The following SUDS3 variants were observed in gnomAD, a reference collection of about 807,000 sequenced individuals.
SUDS3 encodes sin3 histone deacetylase corepressor complex component SDS3.
A neutral mutation model predicts 53.5 loss-of-function variants in SUDS3; 23 were observed. That is an observed-to-expected ratio of 0.43 (90% CI 0.31 to 0.61). The LOEUF is 0.61. SUDS3 is among the 20% of genes least tolerant of loss of function. The pLI is 0.10. For missense variants in SUDS3, 291 were observed against 405.9 expected, an observed-to-expected ratio of 0.72 and a Z score of 2.43; for synonymous variants, 150 against 148.5, an observed-to-expected ratio of 1.01 and a Z score of -0.08.
At chr12:118,400,479 C>G (rs1056864992) in intron 6 of SUDS3, among the ~76,000 whole-genome samples, 180 bp from the exon 7 acceptor site, 1 of 152,136 alleles carries the variant, frequency 6.6e-6, no homozygotes, top group South Asian at 2.1e-4. Flanking sequence ...CTGAATCTTA[C>G]AAGTATAAAC....
intron 6 of SUDS3, among the ~76,000 whole-genome samples, chr12:118,395,816 C>T (rs187510318): frequency 1.3e-5 from 2 of 151,960 alleles, no homozygotes; most frequent in Admixed American, 6.5e-5. Context: ...CTCAGCCTCC[C>T]GAGTAGCTGG....
At chr12:118,389,641 G>A (rs535475859) in intron 4 of SUDS3, among the ~76,000 whole-genome samples, 1 of 151,984 alleles carries the variant, frequency 6.6e-6, no homozygotes, top group East Asian at 1.9e-4. Context: ...TCAGCCTCTC[G>A]AGTAGTTGGG....
chr12:118,402,895 G>A (rs756223749), intron 9 of SUDS3, among the ~76,000 whole-genome samples: 6 of 152,118 alleles, frequency 3.9e-5, no homozygotes, highest in South Asian at 2.1e-4. Context: ...CAAGTAGCTA[G>A]GACAACAGGC....
intron 5 of SUDS3, among the ~76,000 whole-genome samples, chr12:118,390,193 C>T (rs966216643): frequency 6.6e-6 from 1 of 152,152 alleles, no homozygotes; most frequent in African/African-American, 2.4e-5. Context: ...ACTTCTATCC[C>T]GTGTTAGAGC....
chr12:118,383,168 C>T (rs1372206070), intron 2 of SUDS3, among the ~76,000 whole-genome samples: 2 of 152,280 alleles, frequency 1.3e-5, no homozygotes, highest in Middle Eastern at 3.4e-3. Context: ...AAGGTTATCA[C>T]GCCCATGTGC....
chr12:118,385,457 C>T lies in SUDS3; in HGVS notation c.269-657C>T, dbSNP rs185249840. Among the ~76,000 whole-genome samples the T allele has an allele frequency of 5.3e-5, 8 of 152,242 alleles. No homozygotes were observed. The South Asian group carries it at 6.2e-4, about 12-fold the overall frequency. ...GCTTTTATTGCTGGTGAGTGATCCA[C>T]GCCCTTGGACTAGCCCATGGTCAGG... On this transcript the variant is annotated intron_variant, in intron 3 of 11. Coordinates refer to ENST00000543473, the MANE Select transcript of SUDS3 (RefSeq NM_022491.3).
chr12:118,400,798 CTG>C, intron 7 of SUDS3, 44 bp downstream of exon 7: 2 of 1,558,092 alleles, frequency 1.3e-6, no homozygotes, highest in Non-Finnish European at 1.8e-6. Context: ...TTTTTTAAGA[CTG>C]TGGAATCCTA....
intron 4 of SUDS3, 88 bp from the exon 5 acceptor site, chr12:118,389,839 A>C: frequency 6.6e-7 from 1 of 1,508,714 alleles, no homozygotes; most frequent in Non-Finnish European, 9.2e-7. Flanking sequence ...TTCAGAAAGC[A>C]ATTACTGCTT....
intron 4 of SUDS3, among the ~76,000 whole-genome samples, chr12:118,386,965 T>C (rs1386945705): frequency 6.6e-6 from 1 of 152,204 alleles, no homozygotes; most frequent in East Asian, 1.9e-4. Context: ...GCAGAGTCCT[T>C]GTTCCTGCGA....
At chr12:118,399,259 T>A (rs781051220) in intron 6 of SUDS3, among the ~76,000 whole-genome samples, 9 of 152,094 alleles carry the variant, frequency 5.9e-5, no homozygotes. Context: ...CCCAGCACTT[T>A]GAGAGGCTGA....
At chr12:118,376,951 C>A in intron 1 of SUDS3, 118 bp downstream of exon 1, 1 of 1,272,478 alleles carries the variant, frequency 7.9e-7, no homozygotes, top group Non-Finnish European at 1.0e-6. Context: ...CGTGGAGGGG[C>A]CGCCGGGAGT....
At position 118,401,744 on chromosome 12, in the gene SUDS3, T is replaced by G. The variant is rs752198012; in HGVS notation, c.614-15T>G. 5 of 1,611,820 alleles carry G rather than the reference T, an allele frequency of 3.1e-6. No individual in the cohort carries two copies. Among genetic ancestry groups the G allele is most frequent in the Non-Finnish European group, 4.2e-6 (5 of 1,177,960 alleles). On this transcript the variant is annotated splice_polypyrimidine_tract_variant and intron_variant, in intron 7 of 11. Coordinates refer to ENST00000543473, the MANE Select transcript of SUDS3 (RefSeq NM_022491.3). ...AAACTGTACTTTTCACATACAGTCC[T>G]TTAACTCTCAACACCCCAGCTAAAC... is the stretch of plus-strand genomic sequence containing the variant.
chr12:118,410,705 T>A (rs1437393809), intron 10 of SUDS3, among the ~76,000 whole-genome samples: 1 of 152,026 alleles, frequency 6.6e-6, no homozygotes, highest in Non-Finnish European at 1.5e-5. Context: ...CACACCATTC[T>A]CCTGCCTCAG....
At chr12:118,377,671 C>G (rs1011578378) in intron 1 of SUDS3, among the ~76,000 whole-genome samples, 2 of 151,968 alleles carry the variant, frequency 1.3e-5, no homozygotes, top group Non-Finnish European at 2.9e-5. Flanking sequence ...GTGTGAGGAA[C>G]GCTATTTTGG....
intron 6 of SUDS3, among the ~76,000 whole-genome samples, chr12:118,395,089 C>G (rs1315143906): frequency 6.6e-6 from 1 of 151,854 alleles, no homozygotes; most frequent in Non-Finnish European, 1.5e-5. Flanking sequence ...ATTTGGGTGT[C>G]AAGACAAGAG....
intron 1 of SUDS3, among the ~76,000 whole-genome samples, chr12:118,378,669 GT>G (rs1183301163): frequency 6.6e-6 from 1 of 151,360 alleles, no homozygotes; most frequent in Non-Finnish European, 1.5e-5. Flanking sequence ...TTTATTTGTT[GT>G]TTTGTTTATT....
At chr12:118,402,749 T>C (rs1413346275) in intron 9 of SUDS3, 1 of 151,698 alleles carries the variant, frequency 6.6e-6, no homozygotes, top group Admixed American at 6.6e-5. Context: ...AGTTAGTAGT[T>C]CTTTAAGTGA....
intron 6 of SUDS3, among the ~76,000 whole-genome samples, chr12:118,391,928 G>T (rs1434784519): frequency 6.6e-6 from 1 of 152,196 alleles, no homozygotes; most frequent in Non-Finnish European, 1.5e-5. Flanking sequence ...CAGAGCCAAT[G>T]CCTTTCTAAC....
chr12:118,388,534 G>A (rs898640491), intron 4 of SUDS3, among the ~76,000 whole-genome samples: 1 of 152,186 alleles, frequency 6.6e-6, no homozygotes. Context: ...GTGGTGAGGG[G>A]AGCTGCTAGG....
Sources: gnomAD v4.1 joint callset for allele counts (sites outside exome capture counted in the v4.1 genomes callset) on GRCh38, gnomAD v4.1.1 for gene constraint, MANE v1.5 for transcripts, NCBI Gene and HGNC (gene_info 2026-07-23, HGNC 2026-07-21) for gene names.